The following KIF26B variants were observed in gnomAD, a reference collection of about 807,000 sequenced individuals.
The protein encoded by KIF26B is kinesin family member 26B.
Under a neutral mutation model 151.2 loss-of-function variants are expected in KIF26B, and 63 were observed. The ratio of observed to expected loss-of-function variants is 0.42; its 90% CI spans 0.34 to 0.51. The LOEUF is 0.51. Among genes scored for constraint, KIF26B ranks in the 20% least tolerant of loss-of-function variants. The pLI is 0.07. For missense variants in KIF26B, 2,813 were observed against 2,913.6 expected, an observed-to-expected ratio of 0.97 and a Z score of 0.79; for synonymous variants, 1,357 against 1,262.1, an observed-to-expected ratio of 1.08 and a Z score of -1.59.
intron 4 of KIF26B, among the ~76,000 whole-genome samples, chr1:245,506,646 A>G (rs1358468532): frequency 6.6e-6 from 1 of 152,156 alleles, no homozygotes; most frequent in Non-Finnish European, 1.5e-5. Flanking sequence ...CTTTTCAAAA[A>G]AATTTTAACT....
In KIF26B at chr1:245,687,224, C is replaced by G. The variant is rs1354834090; in HGVS notation, c.4241C>G (p.Pro1414Arg). Residue 1414 changes from proline (P) to arginine (R), a missense_variant, in exon 12 of 15, where the codon CCC (proline) becomes CGC (arginine). This residue lies in a region of KIF26B where 2,060 missense variants were observed against 2,088.6 expected (regional missense o/e 0.99). Coordinates refer to ENST00000407071, the MANE Select transcript of KIF26B (RefSeq NM_018012.4). This position sits in a 1 kb window ranked among gnomAD's most constrained non-coding sequence, Gnocchi z 4.9. ...GAGCCGGAGGCCCCCACCGCCACCC[C>G]CAAAGCAGGCCCCACATTAGCCCAG... ...IQEPEAPTAT[P>R]KAGPTLAQSR... 2.5e-6 allele frequency: 4 copies of G among 1,612,826 alleles called. No individual in the cohort carries two copies. The highest frequency in any genetic ancestry group is 2.2e-5 in the East Asian group (1 of 44,856).
intron 2 of KIF26B, among the ~76,000 whole-genome samples, chr1:245,309,249 G>A (rs1425346758): frequency 6.6e-6 from 1 of 152,144 alleles, no homozygotes; most frequent in Admixed American, 6.6e-5. Flanking sequence ...CAACTTGACT[G>A]GGCCGCGGGA....
intron 9 of KIF26B, among the ~76,000 whole-genome samples, chr1:245,626,395 A>G (rs1275921373): frequency 1.0e-5 from 1 of 95,748 alleles, no homozygotes; most frequent in East Asian, 4.4e-4. Context: ...ACTAGATTTC[A>G]TGGTGGGTTT....
At chr1:245,465,496 C>G (rs192781899) in intron 4 of KIF26B, among the ~76,000 whole-genome samples, 13 of 152,246 alleles carry the variant, frequency 8.5e-5, no homozygotes, top group African/African-American at 2.9e-4. Flanking sequence ...TTCTATCGAC[C>G]AAAGGATGGA....
intron 3 of KIF26B, among the ~76,000 whole-genome samples, chr1:245,407,623 A>G (rs763036564): frequency 6.6e-6 from 1 of 152,212 alleles, no homozygotes; most frequent in Non-Finnish European, 1.5e-5. Flanking sequence ...TCACCATGTT[A>G]AAAATCAAGT....
At chr1:245,179,424 G>C (rs1668865732) in intron 2 of KIF26B, among the ~76,000 whole-genome samples, 2 of 152,114 alleles carry the variant, frequency 1.3e-5, no homozygotes, top group Admixed American at 1.3e-4. Context: ...AGGAGTTTGA[G>C]ACCATCCTGG....
In KIF26B at chr1:245,548,745, C is replaced by CT. The variant is rs34079894; in HGVS notation, c.1350+7809dup. 3.3e-3 allele frequency among the ~76,000 whole-genome samples: 475 copies of CT among 143,744 alleles called. 1 individual carries two copies. The highest frequency in any genetic ancestry group is 0.022 in the South Asian group (95 of 4,408). The allele number at this position is 143,744 out of a possible 152,430, so 94.3% of individuals were successfully genotyped here. On this transcript the variant is annotated intron_variant, in intron 5 of 14. Coordinates refer to ENST00000407071, the MANE Select transcript of KIF26B (RefSeq NM_018012.4). Reference sequence around the variant, plus strand: ...GTAATCTTTTCCTCCCATTTTGCAACTTTTTTTTTTTTTTAAAAACAGGGT... The same window carrying CT: ...GTAATCTTTTCCTCCCATTTTGCAACTTTTTTTTTTTTTTTAAAAACAGGGT...
At chr1:245,219,832 G>T (rs754247762) in intron 2 of KIF26B, among the ~76,000 whole-genome samples, 20 of 152,220 alleles carry the variant, frequency 1.3e-4, no homozygotes, top group Non-Finnish European at 2.9e-5. Flanking sequence ...CCAGCTCCCT[G>T]CTTTCCAGGG....
rs918689757 is a variant in KIF26B at position 245,303,039 on chromosome 1, C to T, written c.466-63795C>T. Among the ~76,000 whole-genome samples the T allele has an allele frequency of 5.1e-5, 7 of 137,076 alleles. No individual in the cohort carries two copies. The East Asian group carries it at 1.3e-3, about 26-fold the overall frequency. The allele number at this position is 137,076 out of a possible 152,430, so 89.9% of individuals were successfully genotyped here. ...GAAAGAAATGGCAAATGGACATTTA[C>T]ATGGTGATTAGAAAATTAGAATACA... On this transcript the variant is annotated intron_variant, in intron 2 of 14. Coordinates refer to ENST00000407071, the MANE Select transcript of KIF26B (RefSeq NM_018012.4).
chr1:245,641,873 G>C (rs1362836809), intron 9 of KIF26B, among the ~76,000 whole-genome samples: 1 of 151,854 alleles, frequency 6.6e-6, no homozygotes, highest in African/African-American at 2.4e-5. Context: ...CTTGACGCTT[G>C]AAGTATGATG....
intron 2 of KIF26B, among the ~76,000 whole-genome samples, chr1:245,269,686 A>G (rs1670814941): frequency 6.6e-6 from 1 of 151,904 alleles, no homozygotes; most frequent in Admixed American, 6.6e-5. Flanking sequence ...GCTGATCTCG[A>G]ACTCCTGATC....
intron 10 of KIF26B, among the ~76,000 whole-genome samples, chr1:245,660,004 A>G (rs2044117574): frequency 6.6e-6 from 1 of 151,876 alleles, no homozygotes; most frequent in African/African-American, 2.4e-5. Context: ...AGCCGAGATC[A>G]CGCCATTGCA....
At chr1:245,396,526 C>T (rs1673846103) in intron 3 of KIF26B, among the ~76,000 whole-genome samples, 1 of 151,964 alleles carries the variant, frequency 6.6e-6, no homozygotes, top group Non-Finnish European at 1.5e-5. Flanking sequence ...ATCCCAGCTA[C>T]TCAGGAGGCT....
intron 9 of KIF26B, among the ~76,000 whole-genome samples, chr1:245,644,288 A>G (rs2043922900): frequency 6.6e-6 from 1 of 151,066 alleles, no homozygotes; most frequent in African/African-American, 2.4e-5. Flanking sequence ...CATCTACTAT[A>G]TTTTTTTTAT....
chr1:245,513,688 T>C (rs759821787), intron 4 of KIF26B, among the ~76,000 whole-genome samples: 1 of 152,228 alleles, frequency 6.6e-6, no homozygotes, highest in Non-Finnish European at 1.5e-5. Context: ...GGTGCTGTTC[T>C]GAAAAGCTGG....
At chr1:245,213,253 G>A (rs1235261794) in intron 2 of KIF26B, among the ~76,000 whole-genome samples, 1 of 152,206 alleles carries the variant, frequency 6.6e-6, no homozygotes, top group Non-Finnish European at 1.5e-5. Context: ...CTGGTGGGGG[G>A]CCTGGAGAGG....
intron 12 of KIF26B, among the ~76,000 whole-genome samples, chr1:245,696,520 C>T (rs1316344): frequency 0.63 from 95,433 of 151,982 alleles, 31,589 homozygotes; most frequent in Middle Eastern, 0.77. Context: ...TTGTTTTAGC[C>T]GCTGGGTTTG....
chr1:245,381,008 C>T (rs1407507807), intron 3 of KIF26B, among the ~76,000 whole-genome samples: 1 of 146,690 alleles, frequency 6.8e-6, no homozygotes, highest in Non-Finnish European at 1.5e-5. Context: ...TCTAGTGAGA[C>T]ATACTTTAGC....
intron 9 of KIF26B, among the ~76,000 whole-genome samples, chr1:245,640,122 G>GCTCTCTCTCTCTCTCTCTCCCTCTCT (rs2043874508): frequency 1.9e-5 from 1 of 53,972 alleles, no homozygotes; most frequent in Admixed American, 2.2e-4. Context: ...ACTAATATTT[G>GCTCTCTCTCTCTCTCTCTCCCTCTCT]CTCTCTCTCT....
Sources: allele counts gnomAD v4.1 joint callset (sites outside exome capture counted in the v4.1 genomes callset), GRCh38; gene constraint gnomAD v4.1.1; regional missense constraint gnomAD v4.1.1; non-coding constraint Gnocchi (gnomAD v3.1); transcripts MANE v1.5; gene names NCBI Gene and HGNC (gene_info 2026-07-23, HGNC 2026-07-21).